The following NOL4 variants were observed in gnomAD, a reference collection of about 807,000 sequenced individuals.
NOL4 encodes the protein nucleolar protein 4, also known as cancer/testis antigen 125.
In NOL4, 17 loss-of-function variants were observed where a neutral mutation model predicts 75.9. That is an observed-to-expected ratio of 0.22 (90% confidence interval 0.15 to 0.34). The LOEUF (loss-of-function observed/expected upper bound fraction) is 0.34. NOL4 is among the 10% of genes least tolerant of loss of function. The probability of loss-of-function intolerance (pLI) is 1.00; values close to 1 mark genes in which losing one functional copy is unlikely to be tolerated. For missense variants in NOL4, 614 were observed against 793.5 expected, an observed-to-expected ratio of 0.77 and a Z score of 2.72; for synonymous variants, 292 against 289.9, an observed-to-expected ratio of 1.01 and a Z score of -0.07.
At chr18:34,054,757 C>G (rs2076763572) in intron 5 of NOL4, among the ~76,000 whole-genome samples, 1 of 151,676 alleles carries the variant, frequency 6.6e-6, no homozygotes, top group South Asian at 2.1e-4. Flanking sequence ...TAATTGTTTT[C>G]TGTGTGTCTT....
At chr18:34,116,659 CAT>C (rs1405099486) in intron 2 of NOL4, among the ~76,000 whole-genome samples, 2 of 151,984 alleles carry the variant, frequency 1.3e-5, no homozygotes, top group African/African-American at 4.8e-5. Flanking sequence ...TCTGAAGTAA[CAT>C]AAAGTTAGAA....
chr18:34,027,399 A>T (rs1359646634), intron 5 of NOL4, among the ~76,000 whole-genome samples: 1 of 152,206 alleles, frequency 6.6e-6, no homozygotes, highest in East Asian at 1.9e-4. Flanking sequence ...GAGGTACTGA[A>T]GTAGGAGAAA....
intron 9 of NOL4, among the ~76,000 whole-genome samples, chr18:33,897,212 C>T (rs1000683578): frequency 1.3e-5 from 2 of 152,072 alleles, no homozygotes; most frequent in African/African-American, 4.8e-5. Flanking sequence ...TATGGTGATT[C>T]CTCAAAGAGC....
rs1279896615 is a variant in NOL4, at chr18:33,852,922, C to T, written c.1837G>A (p.Val613Ile). 1 of 1,613,228 alleles carries T rather than the reference C, an allele frequency of 6.2e-7. No individual in the cohort carries two copies. Among genetic ancestry groups the T allele is most frequent in the African/African-American group, 1.3e-5 (1 of 74,962 alleles). ...PTEINAVRQL[V>I]AGYRESAAFL... ...GCAGCTGATTCTCGATATCCTGCAA[C>T]AAGCTGTCTCACGGCATTGATTTCA... Residue 613 changes from valine to isoleucine, a missense_variant, in exon 11 of 11, where the codon GTT becomes ATT. Val to Ile is a conservative substitution (Grantham distance 29, BLOSUM62 3). Coordinates refer to ENST00000261592, the MANE Select transcript of NOL4 (RefSeq NM_003787.5).
chr18:34,151,731 T>C (rs376567248), intron 1 of NOL4, among the ~76,000 whole-genome samples: 4 of 151,938 alleles, frequency 2.6e-5, no homozygotes, highest in Non-Finnish European at 4.4e-5. Flanking sequence ...TGTAGTTTCA[T>C]TGATTGTAAC....
chr18:34,018,207 C>T (rs1288721605), intron 6 of NOL4, among the ~76,000 whole-genome samples: 1 of 152,096 alleles, frequency 6.6e-6, no homozygotes, highest in African/African-American at 2.4e-5. Flanking sequence ...ACACAGTGCA[C>T]AGTGAATCAG....
intron 1 of NOL4, among the ~76,000 whole-genome samples, chr18:34,216,616 G>T (rs1212682601): frequency 2.0e-5 from 3 of 148,630 alleles, no homozygotes; most frequent in African/African-American, 7.3e-5. Context: ...ATAATATAAT[G>T]AATATAATAA....
At chr18:33,951,560 C>T (rs954056737) in intron 8 of NOL4, among the ~76,000 whole-genome samples, 3 of 151,892 alleles carry the variant, frequency 2.0e-5, no homozygotes, top group African/African-American at 7.3e-5. Flanking sequence ...TTCAATTTGC[C>T]TTTTTATTGT....
intron 9 of NOL4, among the ~76,000 whole-genome samples, chr18:33,941,189 T>C (rs1341984095): frequency 6.6e-6 from 1 of 152,064 alleles, no homozygotes; most frequent in Non-Finnish European, 1.5e-5. Flanking sequence ...GATATCTGTA[T>C]GTCCCATTTT....
intron 6 of NOL4, among the ~76,000 whole-genome samples, chr18:33,970,274 T>C (rs947477830): frequency 2.0e-5 from 3 of 152,230 alleles, no homozygotes; most frequent in Non-Finnish European, 2.9e-5. Flanking sequence ...GTTGAAAATA[T>C]TGTAGTTTAC....
chr18:34,222,571 G>T, intron 1 of NOL4: 1 of 564,718 alleles, frequency 1.8e-6, no homozygotes, highest in Non-Finnish European at 2.2e-6. Flanking sequence ...AGACTCGTCT[G>T]CTCTCAGAGC....
intron 6 of NOL4, among the ~76,000 whole-genome samples, chr18:34,017,329 T>G (rs2074755942): frequency 1.3e-5 from 2 of 152,102 alleles, no homozygotes. Context: ...TGCTACCTAC[T>G]CCATTGCTGC....
At chr18:34,140,842 G>A (rs897732061) in intron 1 of NOL4, among the ~76,000 whole-genome samples, 7 of 152,106 alleles carry the variant, frequency 4.6e-5, no homozygotes, top group Non-Finnish European at 1.0e-4. Flanking sequence ...CATGTTTAGC[G>A]CTTCCTTCAG....
At chr18:33,866,675 TC>T (rs1276298553) in intron 10 of NOL4, among the ~76,000 whole-genome samples, 1 of 152,156 alleles carries the variant, frequency 6.6e-6, no homozygotes, top group African/African-American at 2.4e-5. Flanking sequence ...AGAATCAGTG[TC>T]CCAGCAGTTT....
intron 1 of NOL4, among the ~76,000 whole-genome samples, chr18:34,185,491 T>C (rs2034390212): frequency 6.6e-6 from 1 of 151,238 alleles, no homozygotes; most frequent in Non-Finnish European, 1.5e-5. Context: ...AAGAGGCTTA[T>C]TTTTTTTTCA....
chr18:34,123,772 ATAGC>A (rs917086412), intron 2 of NOL4, among the ~76,000 whole-genome samples: 2 of 150,478 alleles, frequency 1.3e-5, no homozygotes, highest in Admixed American at 6.7e-5. Flanking sequence ...TTATCTATAG[ATAGC>A]TATAGATATA....
chr18:33,965,279 A>G (rs1349042379), intron 6 of NOL4, among the ~76,000 whole-genome samples: 1 of 152,166 alleles, frequency 6.6e-6, no homozygotes, highest in Non-Finnish European at 1.5e-5. Context: ...GTTTAAGACA[A>G]GCCTGGGCAA....
intron 5 of NOL4, among the ~76,000 whole-genome samples, chr18:34,071,059 A>T (rs1026500138): frequency 6.6e-6 from 1 of 152,158 alleles, no homozygotes; most frequent in African/African-American, 2.4e-5. Context: ...AATAGTAAAC[A>T]ACAGTGTATA....
At chr18:33,975,332 G>A (rs1051279156) in intron 6 of NOL4, among the ~76,000 whole-genome samples, 2 of 152,150 alleles carry the variant, frequency 1.3e-5, no homozygotes, top group African/African-American at 4.8e-5. Flanking sequence ...CATAAAAACA[G>A]AAATAAAATA....
Sources: allele counts gnomAD v4.1 joint callset (sites outside exome capture counted in the v4.1 genomes callset), GRCh38; gene constraint gnomAD v4.1.1; transcripts MANE v1.5; gene names NCBI Gene and HGNC (gene_info 2026-07-23, HGNC 2026-07-21).